Variants in TCEA1 observed in about 807,000 individuals in gnomAD.
TCEA1 encodes transcription elongation factor A protein 1.
TCEA1 carries 21 observed loss-of-function variants against 43.8 expected under a neutral mutation model. The observed-to-expected ratio is 0.48, with a 90% CI of 0.34 to 0.69. The LOEUF (loss-of-function observed/expected upper bound fraction) is 0.69, where lower values mean the gene tolerates loss of function less well. TCEA1 is among the 30% of genes least tolerant of loss of function. The probability of loss-of-function intolerance (pLI) is 0.01; values close to 1 mark genes in which losing one functional copy is unlikely to be tolerated. For synonymous variants in TCEA1, 104 were observed against 117.5 expected, an observed-to-expected ratio of 0.88 and a Z score of 0.75; for missense variants, 250 against 365.1, an observed-to-expected ratio of 0.68 and a Z score of 2.57.
intron 2 of TCEA1, among the ~76,000 whole-genome samples, chr8:54,007,450 G>C (rs989722136): frequency 2.0e-5 from 3 of 151,886 alleles, no homozygotes; most frequent in Non-Finnish European, 4.4e-5. Context: ...CAAGGTGTTG[G>C]GATTACAGGC....
At chr8:53,984,567 T>G (rs1803626439) in intron 6 of TCEA1, 50 bp from the exon 7 acceptor site, 2 of 1,464,918 alleles carry the variant, frequency 1.4e-6, no homozygotes, top group South Asian at 2.8e-5. Context: ...TAAGATCACT[T>G]TTTTTTCCTG....
intron 2 of TCEA1, among the ~76,000 whole-genome samples, chr8:54,001,983 A>C (rs1391841861): frequency 1.3e-5 from 2 of 150,936 alleles, no homozygotes; most frequent in East Asian, 3.9e-4. Flanking sequence ...CTACTAAAAA[A>C]AAAAAACAAA....
intron 5 of TCEA1, 35 bp downstream of exon 5, chr8:53,988,079 C>G (rs1160027734): frequency 6.9e-6 from 11 of 1,600,236 alleles, no homozygotes; most frequent in Non-Finnish European, 9.4e-6. Flanking sequence ...TGGGTGGTGA[C>G]CAAAGGACTG....
At chr8:53,978,900 T>G in intron 8 of TCEA1, 125 bp downstream of exon 8, 1 of 1,219,216 alleles carries the variant, frequency 8.2e-7, no homozygotes, top group Non-Finnish European at 1.1e-6. Context: ...CTCAGGGTCT[T>G]AGAACATATC....
At chr8:53,999,829 T>C (rs1247314625) in intron 3 of TCEA1, 116 bp downstream of exon 3, 3 of 728,558 alleles carry the variant, frequency 4.1e-6, no homozygotes, top group Non-Finnish European at 7.0e-6. Context: ...CTGCTTTCAG[T>C]ATATCTAGAT....
chr8:53,989,946 TA>T (rs1275394769), intron 4 of TCEA1, among the ~76,000 whole-genome samples: 1 of 152,134 alleles, frequency 6.6e-6, no homozygotes, highest in Non-Finnish European at 1.5e-5. Flanking sequence ...ATTTTAAAAA[TA>T]TTTTTTGGCC....
chr8:53,989,751 A>AT (rs977121809), intron 4 of TCEA1, among the ~76,000 whole-genome samples: 90 of 148,620 alleles, frequency 6.1e-4, no homozygotes, highest in Non-Finnish European at 8.4e-4. Flanking sequence ...CCCATTTATT[A>AT]TTTTTTTTTT....
intron 2 of TCEA1, among the ~76,000 whole-genome samples, chr8:54,001,136 C>G (rs1306967631): frequency 6.6e-6 from 1 of 151,964 alleles, no homozygotes; most frequent in Non-Finnish European, 1.5e-5. Flanking sequence ...TCAAATTGTG[C>G]TCAAAGAACA....
Position 53,979,148 on chromosome 8 carries a change from T to C in TCEA1, c.702A>G (p.Lys234=). 2 of 1,613,864 alleles carry C rather than the reference T, an allele frequency of 1.2e-6. No homozygotes were observed. Among genetic ancestry groups the C allele is most frequent in the South Asian group, 2.2e-5 (2 of 91,054 alleles). Residue 234 remains lysine, a synonymous_variant, in exon 8 of 10, where the codon AAA becomes AAG. Transcript: ENST00000521604. ...CTTTGGTCAAGTTTTTCCGCATCTC[T>C]TTCAGCTCATCACTAGCCATTTCCT... ...TAEEMASDEL[K]EMRKNLTKEA...
chr8:53,988,303 C>T, intron 4 of TCEA1, 44 bp from the exon 5 acceptor site: 1 of 1,588,962 alleles, frequency 6.3e-7, no homozygotes. Flanking sequence ...AAGAACAATC[C>T]TTTCAAAGTA....
At chr8:53,978,656 C>T (rs912183630) in intron 8 of TCEA1, 1 of 157,740 alleles carries the variant, frequency 6.3e-6, no homozygotes, top group Non-Finnish European at 1.4e-5. Context: ...TTCACTTCGC[C>T]TCATCTCATC....
intron 4 of TCEA1, among the ~76,000 whole-genome samples, chr8:53,992,950 A>T (rs1298679559): frequency 6.8e-6 from 1 of 146,796 alleles, no homozygotes; most frequent in Non-Finnish European, 1.5e-5. Context: ...TCTTATAACA[A>T]ATGGCTTTTT....
intron 7 of TCEA1, among the ~76,000 whole-genome samples, chr8:53,983,695 G>C (rs1055823034): frequency 2.0e-5 from 3 of 151,904 alleles, no homozygotes; most frequent in Non-Finnish European, 4.4e-5. Context: ...TAATCAATAT[G>C]ATGTGACCAA....
chr8:53,971,705 AGATTCT>A (rs1474111980), intron 8 of TCEA1: 10 of 201,160 alleles, frequency 5.0e-5, no homozygotes, highest in South Asian at 3.9e-4. Flanking sequence ...ATGACCTTTC[AGATTCT>A]GATTCTGATC....
intron 1 of TCEA1, among the ~76,000 whole-genome samples, chr8:54,014,619 G>A (rs1459903634): frequency 6.6e-6 from 1 of 152,088 alleles, no homozygotes; most frequent in East Asian, 1.9e-4. Flanking sequence ...TACATTGTTG[G>A]TGCTCCTATC....
At chr8:54,021,049 C>T (rs1195455670) in intron 1 of TCEA1, among the ~76,000 whole-genome samples, 2 of 151,960 alleles carry the variant, frequency 1.3e-5, no homozygotes, top group Admixed American at 1.3e-4. Flanking sequence ...AATAGCCAGG[C>T]GTGGTGGCGC....
intron 8 of TCEA1, among the ~76,000 whole-genome samples, chr8:53,975,453 T>C (rs188553882): frequency 1.3e-5 from 2 of 152,190 alleles, no homozygotes; most frequent in African/African-American, 4.8e-5. Flanking sequence ...AAGTTCACAG[T>C]AGCATTATTC....
chr8:54,020,870 T>C (rs918933298), intron 1 of TCEA1, among the ~76,000 whole-genome samples: 1 of 152,146 alleles, frequency 6.6e-6, no homozygotes, highest in Non-Finnish European at 1.5e-5. Context: ...GTTAAACAAA[T>C]TTAGGTGAGG....
intron 8 of TCEA1, chr8:53,973,702 T>G (rs893937227): frequency 1.8e-6 from 1 of 562,338 alleles, no homozygotes; most frequent in African/African-American, 1.9e-5. Flanking sequence ...AAGAAATTAT[T>G]AGAGGATGAC....
Sources: allele counts gnomAD v4.1 joint callset (sites outside exome capture counted in the v4.1 genomes callset), GRCh38; gene constraint gnomAD v4.1.1; transcripts MANE v1.5; gene names NCBI Gene and HGNC (gene_info 2026-07-23, HGNC 2026-07-21).